Variants in SLC22A23 observed in about 807,000 individuals in gnomAD.
SLC22A23 encodes ion transporter protein.
Under a neutral mutation model 61.0 loss-of-function variants are expected in SLC22A23, and 26 were observed. That is an observed-to-expected ratio of 0.43 (90% CI 0.31 to 0.59). SLC22A23 has a LOEUF of 0.59. Ranked by LOEUF, SLC22A23 falls within the 20% of genes least tolerant of loss-of-function variation. SLC22A23 has a pLI of 0.11. For missense variants in SLC22A23, 796 were observed against 934.7 expected (o/e 0.85, Z 1.94); for synonymous variants, 430 against 413.9 (o/e 1.04, Z -0.47).
At position 3,297,736 on chromosome 6, in the gene SLC22A23, C is replaced by T. The variant is rs932616324; in HGVS notation, c.1210+355G>A. Among the ~76,000 whole-genome samples, 5 of 151,370 alleles carry T rather than the reference C, an allele frequency of 3.3e-5. No homozygotes were observed. The highest frequency in any genetic ancestry group is 2.6e-4 in the Admixed American group (4 of 15,194). Reference sequence around the variant, plus strand: ...CTCAGGAAAGCTGAGGTCACAGGGGCCATCTACACCCTGAGCCAGCGCTCT... The same window carrying T: ...CTCAGGAAAGCTGAGGTCACAGGGGTCATCTACACCCTGAGCCAGCGCTCT... On this transcript the variant is annotated intron_variant, in intron 5 of 9. Coordinates refer to ENST00000406686, the MANE Select transcript of SLC22A23 (RefSeq NM_015482.2). This position sits in a 1 kb window ranked among gnomAD's most constrained non-coding sequence, Gnocchi z 4.3.
intron 3 of SLC22A23, among the ~76,000 whole-genome samples, chr6:3,392,520 A>G (rs890504166): frequency 3.3e-5 from 5 of 152,262 alleles, no homozygotes; most frequent in African/African-American, 1.2e-4. Flanking sequence ...AGGTCTGAAC[A>G]GGAAGCAAGA....
intron 4 of SLC22A23, among the ~76,000 whole-genome samples, chr6:3,320,611 G>A (rs939519536): frequency 2.6e-5 from 4 of 152,100 alleles, no homozygotes; most frequent in South Asian, 2.1e-4. Flanking sequence ...TCTCCACAGC[G>A]GGCCACTTCA....
chr6:3,410,430 A>G lies in SLC22A23; in HGVS notation c.759-88T>C, dbSNP rs1769142625. On this transcript the variant is annotated intron_variant, in intron 2 of 9. Transcript: ENST00000406686. The surrounding 1 kb of genome is among the most constrained non-coding windows in gnomAD (Gnocchi z 5.0). ...GAAACCCGGTGTCCAGCAGGCACTC[A>G]ATATATGTTGAATGAGTACTGGGTA... 7.2e-7 allele frequency: 1 copy of G among 1,395,234 alleles called. No individual in the cohort carries two copies. The allele number at this position is 1,395,234 out of a possible 1,614,324, so 86.4% of individuals were successfully genotyped here.
intron 4 of SLC22A23, among the ~76,000 whole-genome samples, chr6:3,315,869 AAAAAAG>A (rs961085237): frequency 9.6e-5 from 7 of 72,910 alleles, no homozygotes; most frequent in African/African-American, 2.5e-4. Flanking sequence ...GTCTCAAAAA[AAAAAAG>A]AAAAGAAAAG....
intron 6 of SLC22A23, 141 bp from the exon 7 acceptor site, chr6:3,287,232 C>T (rs1268466574): frequency 1.4e-6 from 1 of 719,132 alleles, no homozygotes; most frequent in East Asian, 2.7e-5. Context: ...CATGACCGAA[C>T]CACGAGCAGA....
At chr6:3,283,431 T>C in intron 9 of SLC22A23, 1 of 266,694 alleles carries the variant, frequency 3.7e-6, no homozygotes, top group Non-Finnish European at 7.5e-6. Flanking sequence ...AAACTCCATC[T>C]CGGGGAGGGC....
rs1763412666 is a variant in SLC22A23 at position 3,328,670 on chromosome 6, C to A, written c.914-4668G>T. On this transcript the variant is annotated intron_variant, in intron 3 of 9. Transcript: ENST00000406686. The surrounding 1 kb of genome is among the most constrained non-coding windows in gnomAD (Gnocchi z 5.0). ...TCCACCTGTGGACGGCAGTGCCCGC[C>A]CCCATGCCCTGGAGTCCTGATGGCT... is the stretch of plus-strand genomic sequence containing the variant. 6.6e-6 allele frequency among the ~76,000 whole-genome samples: 1 copy of A among 152,150 alleles called. No homozygotes were observed. Among genetic ancestry groups the A allele is most frequent in the African/African-American group, 2.4e-5 (1 of 41,426 alleles).
At chr6:3,446,982 A>C (rs1771926735) in intron 1 of SLC22A23, among the ~76,000 whole-genome samples, 1 of 152,020 alleles carries the variant, frequency 6.6e-6, no homozygotes, top group Admixed American at 6.6e-5. Flanking sequence ...CTGTGCACTC[A>C]GCACAGCCTC....
chr6:3,448,432 C>T (rs1429202566), intron 1 of SLC22A23, among the ~76,000 whole-genome samples: 2 of 152,210 alleles, frequency 1.3e-5, no homozygotes, highest in African/African-American at 4.8e-5. Context: ...GGCTCCCACA[C>T]ACCACCAGTT....
chr6:3,386,578 C>T lies in SLC22A23; in HGVS notation c.913+23610G>A, dbSNP rs548688639. The stretch of plus-strand genomic sequence containing the variant: ...AGGCTGGCACTGCCAGGCTTGGAGG[C>T]TGCTTGCTCCTCAGTAGCCGTGCCA... On this transcript the variant is annotated intron_variant, in intron 3 of 9. Coordinates refer to ENST00000406686, the MANE Select transcript of SLC22A23 (RefSeq NM_015482.2). The surrounding 1 kb of genome is among the most constrained non-coding windows in gnomAD (Gnocchi z 4.4). 1.1e-4 allele frequency among the ~76,000 whole-genome samples: 17 copies of T among 152,356 alleles called. No homozygotes were observed. Among genetic ancestry groups the T allele is most frequent in the African/African-American group, 4.1e-4 (17 of 41,592 alleles).
intron 4 of SLC22A23, among the ~76,000 whole-genome samples, chr6:3,320,054 C>CA (rs1444673694): frequency 6.6e-6 from 1 of 152,206 alleles, no homozygotes; most frequent in Non-Finnish European, 1.5e-5. Context: ...GCTCAGTTCT[C>CA]ACGGCATCAG....
At chr6:3,334,902 T>C (rs940275975) in intron 3 of SLC22A23, among the ~76,000 whole-genome samples, 3 of 152,214 alleles carry the variant, frequency 2.0e-5, no homozygotes, top group African/African-American at 7.2e-5. Flanking sequence ...AGTTAGTTGG[T>C]AGCAAAAGCA....
intron 3 of SLC22A23, among the ~76,000 whole-genome samples, chr6:3,389,268 CAAAAAAAAAAAAAAA>C (rs61020784): frequency 1.5e-4 from 5 of 32,600 alleles, no homozygotes; most frequent in East Asian, 1.2e-3. Flanking sequence ...AACTCTGTCT[CAAAAAAAAAAAAAAA>C]AAAAAAAAAA....
At chr6:3,379,824 T>C (rs1170128360) in intron 3 of SLC22A23, among the ~76,000 whole-genome samples, 1 of 152,224 alleles carries the variant, frequency 6.6e-6, no homozygotes, top group Non-Finnish European at 1.5e-5. Context: ...TGCCCTCAGC[T>C]CCCAGCAGGG....
At chr6:3,417,045 T>C (rs1769765593) in intron 1 of SLC22A23, among the ~76,000 whole-genome samples, 1 of 152,166 alleles carries the variant, frequency 6.6e-6, no homozygotes, top group African/African-American at 2.4e-5. Context: ...GCTCAGGTCC[T>C]GCCTCATGTT....
chr6:3,274,487 C>G (rs1336152119), intron 9 of SLC22A23, among the ~76,000 whole-genome samples: 1 of 152,138 alleles, frequency 6.6e-6, no homozygotes, highest in Non-Finnish European at 1.5e-5. Context: ...TTAGGCACCC[C>G]CTTGAAGTGA....
At chr6:3,366,350 A>AAAAG (rs1467960016) in intron 3 of SLC22A23, among the ~76,000 whole-genome samples, 1 of 128,570 alleles carries the variant, frequency 7.8e-6, no homozygotes, top group Admixed American at 8.1e-5. Flanking sequence ...AAAAAAAAAA[A>AAAAG]AAAAAAAGAA....
In SLC22A23 at chr6:3,287,085, C is replaced by A. The variant is rs374488596; in HGVS notation, c.1320G>T (p.Thr440=). 4.3e-6 allele frequency: 7 copies of A among 1,613,894 alleles called. No individual in the cohort carries two copies. The African/African-American group carries it at 8.0e-5, about 18-fold the overall frequency. Residue 440 remains threonine (T), a synonymous_variant, in exon 7 of 10, where the codon ACG becomes ACT. Coordinates refer to ENST00000406686, the MANE Select transcript of SLC22A23 (RefSeq NM_015482.2). ...CAAAGCAGTGGTGGATCCCGTACCCCGTCAGCCTGTGGAGACATACCGAGC... is the reference window on the plus strand; with the variant it reads ...CAAAGCAGTGGTGGATCCCGTACCCAGTCAGCCTGTGGAGACATACCGAGC... ...NIVVLCVNSL[T]GYGIHHCFAR...
At chr6:3,403,521 T>G (rs916771527) in intron 3 of SLC22A23, among the ~76,000 whole-genome samples, 1 of 152,172 alleles carries the variant, frequency 6.6e-6, no homozygotes, top group Non-Finnish European at 1.5e-5. Flanking sequence ...TGTTAACCAT[T>G]AATCTTACCC....
Sources: allele counts gnomAD v4.1 joint callset (sites outside exome capture counted in the v4.1 genomes callset), GRCh38; gene constraint gnomAD v4.1.1; non-coding constraint Gnocchi (gnomAD v3.1); transcripts MANE v1.5; gene names NCBI Gene and HGNC (gene_info 2026-07-23, HGNC 2026-07-21).